The following CRMP1 variants were observed in gnomAD, a reference collection of about 807,000 sequenced individuals.
CRMP1 encodes the protein dihydropyrimidinase-related protein 1.
In CRMP1, 19 loss-of-function variants were observed where a neutral mutation model predicts 68.3. The ratio of observed to expected loss-of-function variants is 0.28; its 90% CI spans 0.19 to 0.41. CRMP1 has a LOEUF of 0.41. CRMP1 is among the 10% of genes least tolerant of loss of function. The pLI, the probability that CRMP1 is intolerant of heterozygous loss-of-function variation, is 1.00. For synonymous variants in CRMP1, 439 were observed against 399.6 expected (o/e 1.10, Z -1.18); for missense variants, 791 against 967.4 (o/e 0.82, Z 2.42).
Position 5,841,179 on chromosome 4 carries a change from G to A in CRMP1, c.1153+129C>T, listed in dbSNP as rs1711693263. On this transcript the variant is annotated intron_variant, in intron 8 of 13. Transcript: ENST00000324989. The surrounding 1 kb of genome is among the most constrained non-coding windows in gnomAD (Gnocchi z 6.9). Reference sequence around the variant, plus strand: ...ATTCCAGCCACCATCCTTGTGTCAGGAGCATCCCCGCTCCACCCCTCCCTC... The same window carrying A: ...ATTCCAGCCACCATCCTTGTGTCAGAAGCATCCCCGCTCCACCCCTCCCTC... The A allele has an allele frequency of 6.4e-6, 9 of 1,406,214 alleles. No individual in the cohort carries two copies. Among genetic ancestry groups the A allele is most frequent in the Non-Finnish European group, 8.9e-6 (9 of 1,009,496 alleles). The allele number at this position is 1,406,214 out of a possible 1,614,324, so 87.1% of individuals were successfully genotyped here.
rs1170912240 is a variant in CRMP1 at position 5,821,194 on chromosome 4, G to A, written c.*566C>T. On this transcript the variant is annotated 3_prime_UTR_variant, in exon 14 of 14. Coordinates refer to ENST00000324989, the MANE Select transcript of CRMP1 (RefSeq NM_001014809.3). This position sits in a 1 kb window ranked among gnomAD's most constrained non-coding sequence, Gnocchi z 4.4. ...TCCCCTGCCATTCCGAGAATTCACG[G>A]ATCTCACAGGTGGAGGTGGGGCGAG... 6.5e-6 allele frequency: 1 copy of A among 152,692 alleles called. No homozygotes were observed. The highest frequency in any genetic ancestry group is 2.4e-5 in the African/African-American group (1 of 41,470). 9.5% of individuals were successfully genotyped at this position (152,692 alleles called of 1,614,324 possible). A position where few individuals can be genotyped will look rare whatever the true frequency, so the allele number is the denominator to read the frequency against.
intron 1 of CRMP1, among the ~76,000 whole-genome samples, chr4:5,874,425 C>T (rs190762441): frequency 5.9e-5 from 9 of 152,300 alleles, no homozygotes; most frequent in Non-Finnish European, 8.8e-5. Flanking sequence ...ATGATCTAAC[C>T]GCCAGTATAA....
chr4:5,864,278 G>A (rs887999631), intron 2 of CRMP1, among the ~76,000 whole-genome samples: 1 of 152,168 alleles, frequency 6.6e-6, no homozygotes, highest in Admixed American at 6.5e-5. Flanking sequence ...GGGAGCCCAC[G>A]AGATCATTCT....
At chr4:5,828,012 G>T in intron 12 of CRMP1, 1 of 983,746 alleles carries the variant, frequency 1.0e-6, no homozygotes, top group Non-Finnish European at 1.2e-6. Flanking sequence ...AGGAAGGAAA[G>T]GAAGAAAGGG....
At chr4:5,887,205 G>A (rs1715652567) in intron 1 of CRMP1, among the ~76,000 whole-genome samples, 1 of 152,244 alleles carries the variant, frequency 6.6e-6, no homozygotes, top group Admixed American at 6.5e-5. Flanking sequence ...GCAGGTGAGT[G>A]CAAGTGTCAA....
At chr4:5,887,808 G>T in intron 1 of CRMP1, 2 of 993,196 alleles carry the variant, frequency 2.0e-6, no homozygotes, top group Non-Finnish European at 2.4e-6. Flanking sequence ...GGGCTGTGGG[G>T]TGCATGGGCC....
Position 5,883,818 on chromosome 4 carries a change from G to C in CRMP1, c.381+8771C>G. ...CATGCACACTCATGTATGTTGTATT[G>C]TGTGTGCTCCATGTATTCAGTCTTG... On this transcript the variant is annotated intron_variant, in intron 1 of 13. Transcript: ENST00000324989. The surrounding 1 kb of genome is among the most constrained non-coding windows in gnomAD (Gnocchi z 4.5). Among the ~76,000 whole-genome samples, 1 of 152,200 alleles carries C rather than the reference G, an allele frequency of 6.6e-6. No individual in the cohort carries two copies. Among genetic ancestry groups the C allele is most frequent in the East Asian group, 1.9e-4 (1 of 5,198 alleles).
Position 5,888,714 on chromosome 4 carries a change from G to A in CRMP1, c.381+3875C>T, listed in dbSNP as rs1039099858. On this transcript the variant is annotated intron_variant, in intron 1 of 13. Transcript: ENST00000324989. This position sits in a 1 kb window ranked among gnomAD's most constrained non-coding sequence, Gnocchi z 6.4. ...CCTGGCCTCGCTCTCGCGATCCAGA[G>A]AGTATGGTTTTCAGGGCTCCTTTAA... 1.0e-4 allele frequency: 80 copies of A among 791,192 alleles called. No homozygotes were observed. Among genetic ancestry groups the A allele is most frequent in the African/African-American group, 1.5e-4 (8 of 53,100 alleles). 49.0% of individuals were successfully genotyped at this position (791,192 alleles called of 1,614,324 possible).
Position 5,836,902 on chromosome 4 carries a change from C to A in CRMP1, c.1315G>T (p.Asp439Tyr). 6.2e-7 allele frequency: 1 copy of A among 1,610,050 alleles called. No individual in the cohort carries two copies. Among genetic ancestry groups the A allele is most frequent in the Non-Finnish European group, 8.5e-7 (1 of 1,177,912 alleles). Residue 439 changes from aspartate to tyrosine, a missense_variant, in exon 10 of 14, where the codon GAC (aspartate) becomes TAC (tyrosine). Coordinates refer to ENST00000324989, the MANE Select transcript of CRMP1 (RefSeq NM_001014809.3). ...DYLTSLLACG[D>Y]LQVTGSGHCP... ...TGGCCGCTGCCTGTGACCTGCAAGTCCCCACTGGCAAGGACAAAACAAGGT... is the reference window on the plus strand; with the variant it reads ...TGGCCGCTGCCTGTGACCTGCAAGTACCCACTGGCAAGGACAAAACAAGGT...
Position 5,861,322 on chromosome 4 carries a change from A to G in CRMP1, c.471-112T>C. Reference sequence around the variant, plus strand: ...ACATTTCTGAGCCAGGCCCTTCACAAGGCCCTGGGGAGACAGAGATAACTC... The same window carrying G: ...ACATTTCTGAGCCAGGCCCTTCACAGGGCCCTGGGGAGACAGAGATAACTC... On this transcript the variant is annotated intron_variant, in intron 2 of 13. Transcript: ENST00000324989. The surrounding 1 kb of genome is among the most constrained non-coding windows in gnomAD (Gnocchi z 6.0). 1 of 1,095,756 alleles carries G rather than the reference A, an allele frequency of 9.1e-7. No homozygotes were observed. The highest frequency in any genetic ancestry group is 1.3e-6 in the Non-Finnish European group (1 of 754,048). The allele number at this position is 1,095,756 out of a possible 1,614,324, so 67.9% of individuals were successfully genotyped here. A position where few individuals can be genotyped will look rare whatever the true frequency, so the allele number is the denominator to read the frequency against.
chr4:5,833,653 C>T (rs1045876145), intron 11 of CRMP1, among the ~76,000 whole-genome samples: 1 of 152,196 alleles, frequency 6.6e-6, no homozygotes, highest in Non-Finnish European at 1.5e-5. Flanking sequence ...GAATGCTAAG[C>T]ACGAAGTAAC....
chr4:5,892,452 G>A lies in CRMP1; in HGVS notation c.381+137C>T, dbSNP rs1715994762. ...CTCTTGCATGATGAGGTGGGGGAGG[G>A]GCCGCGCCGTGGCTCTCCCCAGCCT... On this transcript the variant is annotated intron_variant, in intron 1 of 13. Transcript: ENST00000324989. This position sits in a 1 kb window ranked among gnomAD's most constrained non-coding sequence, Gnocchi z 8.6. 2.2e-6 allele frequency: 2 copies of A among 892,688 alleles called. No homozygotes were observed. The highest frequency in any genetic ancestry group is 4.9e-5 in the East Asian group (1 of 20,274). The allele number at this position is 892,688 out of a possible 1,614,324, so 55.3% of individuals were successfully genotyped here. A position where few individuals can be genotyped will look rare whatever the true frequency, so the allele number is the denominator to read the frequency against.
chr4:5,841,261 C>G lies in CRMP1; in HGVS notation c.1153+47G>C. On this transcript the variant is annotated intron_variant, in intron 8 of 13. Coordinates refer to ENST00000324989, the MANE Select transcript of CRMP1 (RefSeq NM_001014809.3). The surrounding 1 kb of genome is among the most constrained non-coding windows in gnomAD (Gnocchi z 6.9). ...TGAACTTGAACCTGCAGGACACCCC[C>G]TTCCAGGCCCCAGCTGCCCCCAGAA... 6.2e-7 allele frequency: 1 copy of G among 1,613,426 alleles called. No homozygotes were observed.
At position 5,872,133 on chromosome 4, in the gene CRMP1, TAGAACC is replaced by T. The variant is rs1274296967; in HGVS notation, c.382-5383_382-5378del. Among the ~76,000 whole-genome samples the T allele has an allele frequency of 6.6e-6, 1 of 151,666 alleles. No individual in the cohort carries two copies. On this transcript the variant is annotated intron_variant, in intron 1 of 13. Transcript: ENST00000324989. The surrounding 1 kb of genome is among the most constrained non-coding windows in gnomAD (Gnocchi z 4.6). ...TGACACCTCATAAGAAGATAGAACT[TAGAACC>T]CTCCCCCACCCAAGTAATAAGATCA...
intron 3 of CRMP1, among the ~76,000 whole-genome samples, chr4:5,856,779 C>T (rs978549257): frequency 1.6e-4 from 24 of 151,182 alleles, no homozygotes; most frequent in Non-Finnish European, 3.0e-4. Context: ...ATCATCATTA[C>T]CATCAGCACC....
chr4:5,854,401 T>C lies in CRMP1; in HGVS notation c.820+1742A>G, dbSNP rs1194356887. On this transcript the variant is annotated intron_variant, in intron 4 of 13. Transcript: ENST00000324989. This position sits in a 1 kb window ranked among gnomAD's most constrained non-coding sequence, Gnocchi z 4.0. ...CGTACACCACCACTCCTGGCTATGTTTTTTTTTTTTTTTTTTTTTTTTTAA... is the reference window on the plus strand; with the variant it reads ...CGTACACCACCACTCCTGGCTATGTCTTTTTTTTTTTTTTTTTTTTTTTAA... 5.1e-4 allele frequency among the ~76,000 whole-genome samples: 2 copies of C among 3,946 alleles called. No individual in the cohort carries two copies. The highest frequency in any genetic ancestry group is 0.011 in the East Asian group (1 of 94). The allele number at this position is 3,946 out of a possible 152,430, so 2.6% of individuals were successfully genotyped here. A position where few individuals can be genotyped will look rare whatever the true frequency, so the allele number is the denominator to read the frequency against.
chr4:5,878,219 T>C (rs562116143), intron 1 of CRMP1, among the ~76,000 whole-genome samples: 277 of 151,864 alleles, frequency 1.8e-3, no homozygotes, highest in African/African-American at 6.5e-3. Context: ...CTGGCACCTA[T>C]ACAGAGACCA....
In CRMP1 at chr4:5,821,596, A is replaced by T. The variant is rs1207169961; in HGVS notation, c.*164T>A. The T allele has an allele frequency of 2.9e-6, 2 of 683,208 alleles. No homozygotes were observed. Among genetic ancestry groups the T allele is most frequent in the Non-Finnish European group, 4.9e-6 (2 of 404,102 alleles). The allele number at this position is 683,208 out of a possible 1,614,324, so 42.3% of individuals were successfully genotyped here. On this transcript the variant is annotated 3_prime_UTR_variant, in exon 14 of 14. Coordinates refer to ENST00000324989, the MANE Select transcript of CRMP1 (RefSeq NM_001014809.3). This position sits in a 1 kb window ranked among gnomAD's most constrained non-coding sequence, Gnocchi z 4.4. ...AGGAATTTCCAAGCAAACACACCAC[A>T]CTAGTACCACTTCTTCCTAAACAGA...
In CRMP1 at chr4:5,863,547, A is replaced by G. The variant is rs1031347287; in HGVS notation, c.471-2337T>C. ...AGAGGGACTCAGTGAATGGCGCTCA[A>G]TAGCAATGTGCTGGAAAGGGAAGGA... On this transcript the variant is annotated intron_variant, in intron 2 of 13. Transcript: ENST00000324989. 3.3e-5 allele frequency among the ~76,000 whole-genome samples: 5 copies of G among 152,188 alleles called. No individual in the cohort carries two copies. The South Asian group carries it at 6.2e-4, about 19-fold the overall frequency.
Sources: allele counts gnomAD v4.1 joint callset (sites outside exome capture counted in the v4.1 genomes callset), GRCh38; gene constraint gnomAD v4.1.1; non-coding constraint Gnocchi (gnomAD v3.1); transcripts MANE v1.5; gene names NCBI Gene and HGNC (gene_info 2026-07-23, HGNC 2026-07-21).